Variants in ZFHX3 observed in about 807,000 individuals in gnomAD.
ZFHX3 encodes zinc finger homeobox protein 3.
Under a neutral mutation model 279.1 loss-of-function variants are expected in ZFHX3, and 42 were observed. That is an observed-to-expected ratio of 0.15 (90% CI 0.12 to 0.19). The LOEUF (loss-of-function observed/expected upper bound fraction) is 0.19. Ranked by LOEUF, ZFHX3 falls within the 10% of genes least tolerant of loss-of-function variation. ZFHX3 has a pLI of 1.00. For missense variants in ZFHX3, 4,981 were observed against 4,754.0 expected (o/e 1.05, Z -1.40); for synonymous variants, 2,293 against 1,957.8 (o/e 1.17, Z -4.52).
chr16:73,697,580 G>A (rs766738543), intron 1 of ZFHX3, among the ~76,000 whole-genome samples: 1 of 152,072 alleles, frequency 6.6e-6, no homozygotes, highest in Non-Finnish European at 1.5e-5. Context: ...AATACAGTGA[G>A]GAAGTTCTTG....
chr16:72,865,964 G>A (rs960155974), intron 4 of ZFHX3, among the ~76,000 whole-genome samples: 4 of 152,270 alleles, frequency 2.6e-5, no homozygotes, highest in Middle Eastern at 3.4e-3. Context: ...AGGGAGACCC[G>A]GGGCTTCTCT....
chr16:73,184,248 C>A (rs954316366), intron 5 of ZFHX3, among the ~76,000 whole-genome samples: 1 of 152,164 alleles, frequency 6.6e-6, no homozygotes, highest in African/African-American at 2.4e-5. Context: ...ATGGATGCGT[C>A]CAGGCAGGGG....
intron 5 of ZFHX3, among the ~76,000 whole-genome samples, chr16:73,173,991 G>T (rs1319398791): frequency 6.6e-6 from 1 of 152,106 alleles, no homozygotes; most frequent in Non-Finnish European, 1.5e-5. Flanking sequence ...TCTGTGCCTT[G>T]TTCTGAAAAT....
intron 1 of ZFHX3, among the ~76,000 whole-genome samples, chr16:73,688,098 T>C (rs1038504808): frequency 1.3e-5 from 2 of 152,076 alleles, no homozygotes; most frequent in Non-Finnish European, 2.9e-5. Flanking sequence ...GGCTCATGCC[T>C]GTAATCCCAG....
chr16:73,017,375 A>C (rs1343257155), intron 1 of ZFHX3, among the ~76,000 whole-genome samples: 1 of 152,122 alleles, frequency 6.6e-6, no homozygotes, highest in Non-Finnish European at 1.5e-5. Flanking sequence ...GGTGGGTCCC[A>C]AAAAATATCC....
At chr16:73,612,055 T>C (rs1353570713) in intron 2 of ZFHX3, among the ~76,000 whole-genome samples, 1 of 152,172 alleles carries the variant, frequency 6.6e-6, no homozygotes, top group African/African-American at 2.4e-5. Context: ...CCGAGTTGGA[T>C]TTAGGTTTGT....
intron 1 of ZFHX3, among the ~76,000 whole-genome samples, chr16:73,860,881 T>C (rs1227289258): frequency 6.6e-6 from 1 of 152,048 alleles, no homozygotes; most frequent in Non-Finnish European, 1.5e-5. Flanking sequence ...ACCTTGCACC[T>C]TCCCAGGCAA....
chr16:72,986,194 T>C (rs979383946), intron 1 of ZFHX3, among the ~76,000 whole-genome samples: 18 of 151,970 alleles, frequency 1.2e-4, no homozygotes, highest in Admixed American at 5.2e-4. Flanking sequence ...AGACTGTCCT[T>C]CTCCACCCTC....
chr16:73,624,767 G>C (rs1460162011), intron 2 of ZFHX3, among the ~76,000 whole-genome samples: 3 of 152,248 alleles, frequency 2.0e-5, no homozygotes, highest in East Asian at 1.9e-4. Flanking sequence ...GGAGGTCACC[G>C]TAAGAAGTCC....
chr16:72,947,343 T>C (rs897376561), intron 3 of ZFHX3, among the ~76,000 whole-genome samples: 1 of 152,192 alleles, frequency 6.6e-6, no homozygotes, highest in African/African-American at 2.4e-5. Flanking sequence ...TCATCAGGTT[T>C]TGTAGATTAG....
intron 1 of ZFHX3, among the ~76,000 whole-genome samples, chr16:73,787,814 A>AGTGTGTGTGTGT (rs72236616): frequency 1.1e-3 from 152 of 138,064 alleles, no homozygotes; most frequent in African/African-American, 1.4e-3. Flanking sequence ...GTTTTCTTAA[A>AGTGTGTGTGTGT]GTGTGTGTGT....
At chr16:73,031,723 G>A (rs923173936) in intron 1 of ZFHX3, among the ~76,000 whole-genome samples, 6 of 152,150 alleles carry the variant, frequency 3.9e-5, no homozygotes, top group Admixed American at 2.0e-4. Context: ...GAACCAGAAC[G>A]CGGGCGTGCA....
chr16:72,884,313 A>T (rs1426048372), intron 4 of ZFHX3, among the ~76,000 whole-genome samples: 2 of 152,190 alleles, frequency 1.3e-5, no homozygotes, highest in East Asian at 1.9e-4. Flanking sequence ...CCAAAGACGT[A>T]TCTGTAAAGG....
At chr16:73,429,774 G>C (rs925880695) in intron 3 of ZFHX3, among the ~76,000 whole-genome samples, 23 of 152,162 alleles carry the variant, frequency 1.5e-4, no homozygotes, top group Non-Finnish European at 2.8e-4. Flanking sequence ...CTCTAGTCTG[G>C]TTGTCCCTAC....
intron 1 of ZFHX3, among the ~76,000 whole-genome samples, chr16:72,978,868 T>TGC (rs1176619173): frequency 6.6e-6 from 1 of 152,210 alleles, no homozygotes; most frequent in Non-Finnish European, 1.5e-5. Context: ...ATTTATTGAG[T>TGC]GCCTACTATG....
intron 3 of ZFHX3, among the ~76,000 whole-genome samples, chr16:72,899,180 T>C (rs544788505): frequency 1.9e-4 from 29 of 152,298 alleles, no homozygotes; most frequent in Non-Finnish European, 4.0e-4. Flanking sequence ...CCTCCTGATA[T>C]AGTTTGGCTG....
intron 1 of ZFHX3, among the ~76,000 whole-genome samples, chr16:73,841,943 G>A (rs946081457): frequency 2.0e-5 from 3 of 152,032 alleles, no homozygotes; most frequent in African/African-American, 4.8e-5. Context: ...AGTCAGGTGC[G>A]GTGGCTCACG....
At position 72,819,399 on chromosome 16, in the gene ZFHX3, G is replaced by A. The variant is rs1015709933; in HGVS notation, c.3530-7361C>T. Among the ~76,000 whole-genome samples the A allele has an allele frequency of 8.5e-5, 13 of 152,288 alleles. No homozygotes were observed. The East Asian group carries it at 2.1e-3, about 25-fold the overall frequency. On this transcript the variant is annotated intron_variant, in intron 5 of 9. Transcript: ENST00000268489. ...AAACCTCACGCTTGTCACTGAGATC[G>A]CAGCCTTGAGGTTCAGCAAATGCCA...
intron 1 of ZFHX3, among the ~76,000 whole-genome samples, chr16:73,691,254 T>C (rs567385627): frequency 7.2e-5 from 11 of 152,196 alleles, no homozygotes; most frequent in African/African-American, 2.4e-4. Flanking sequence ...AAAAATCTTC[T>C]AAATCAGCAA....
Sources: allele counts gnomAD v4.1 joint callset (sites outside exome capture counted in the v4.1 genomes callset), GRCh38; gene constraint gnomAD v4.1.1; transcripts MANE v1.5; gene names NCBI Gene and HGNC (gene_info 2026-07-23, HGNC 2026-07-21).